Variants in USP8 observed in about 807,000 individuals in gnomAD.
USP8 encodes the protein ubiquitin specific peptidase 8.
In USP8, 27 loss-of-function variants were observed where a neutral mutation model predicts 130.0. That is an observed-to-expected ratio of 0.21 (90% CI 0.15 to 0.29). USP8 has a LOEUF of 0.29. Ranked by LOEUF, USP8 falls within the 10% of genes least tolerant of loss-of-function variation. USP8 has a pLI of 1.00. For missense variants in USP8, 1,029 were observed against 1,312.2 expected, an observed-to-expected ratio of 0.78 and a Z score of 3.33; for synonymous variants, 392 against 444.1, an observed-to-expected ratio of 0.88 and a Z score of 1.48.
Position 50,508,901 on chromosome 15 carries a change from G to A in USP8, c.*9813G>A, listed in dbSNP as rs141854869. 28,219 of 151,224 alleles carry A rather than the reference G, an allele frequency of 0.19. 3,374 individuals are homozygous for A. Among genetic ancestry groups the A allele is most frequent in the East Asian group, 0.47 (2,398 of 5,122 alleles). The allele number at this position is 151,224 out of a possible 1,614,324, so 9.4% of individuals were successfully genotyped here. A position where few individuals can be genotyped will look rare whatever the true frequency, so the allele number is the denominator to read the frequency against. ...TGTAATCCCAGCACTTTGGGAGGCCGAGGCGGGCGGATCACGAGGTCAGGA... is the reference window on the plus strand; with the variant it reads ...TGTAATCCCAGCACTTTGGGAGGCCAAGGCGGGCGGATCACGAGGTCAGGA... On this transcript the variant is annotated 3_prime_UTR_variant, in exon 20 of 20. Transcript: ENST00000307179.
At chr15:50,493,272 T>C (rs2052248844) in intron 15 of USP8, 1 of 515,316 alleles carries the variant, frequency 1.9e-6, no homozygotes, top group East Asian at 5.3e-5. Context: ...TGGCAACACC[T>C]GAATTTTGGA....
chr15:50,474,885 G>A (rs1209660697), intron 8 of USP8, among the ~76,000 whole-genome samples: 2 of 152,132 alleles, frequency 1.3e-5, no homozygotes, highest in Non-Finnish European at 2.9e-5. Flanking sequence ...GAGGCAGGTG[G>A]ATCACTTGAG....
intron 6 of USP8, among the ~76,000 whole-genome samples, chr15:50,464,025 G>A (rs1376800438): frequency 6.6e-6 from 1 of 152,128 alleles, no homozygotes; most frequent in East Asian, 1.9e-4. Flanking sequence ...GCTAACAAAT[G>A]AACATCAAGT....
Position 50,499,896 on chromosome 15 carries a change from T to TAGTATTCTCACA in USP8, c.*809_*820dup, listed in dbSNP as rs1215891275. ...ACACCCAGAGTCATTCTTTCAAGAC[T>TAGTATTCTCACA]AGTATTCTCACATATTGAGAATATT... On this transcript the variant is annotated 3_prime_UTR_variant, in exon 20 of 20. Transcript: ENST00000307179. 6 of 152,248 alleles carry TAGTATTCTCACA rather than the reference T, an allele frequency of 3.9e-5. No homozygotes were observed. The highest frequency in any genetic ancestry group is 1.2e-4 in the African/African-American group (5 of 41,552). The allele number at this position is 152,248 out of a possible 1,614,324, so 9.4% of individuals were successfully genotyped here.
intron 16 of USP8, among the ~76,000 whole-genome samples, chr15:50,495,534 C>A (rs1408464790): frequency 6.6e-6 from 1 of 151,738 alleles, no homozygotes; most frequent in Non-Finnish European, 1.5e-5. Context: ...ACTCCTGGCC[C>A]CAAGCAGTCC....
chr15:50,456,417 A>G (rs549470812), intron 4 of USP8, among the ~76,000 whole-genome samples: 1 of 151,522 alleles, frequency 6.6e-6, no homozygotes, highest in African/African-American at 2.4e-5. Context: ...TAAAAATACA[A>G]AAATAAGTAG....
intron 8 of USP8, among the ~76,000 whole-genome samples, chr15:50,472,746 G>A (rs2051423832): frequency 6.6e-6 from 1 of 151,932 alleles, no homozygotes; most frequent in Non-Finnish European, 1.5e-5. Flanking sequence ...CCTCGTCTCT[G>A]CTAAAAACAA....
chr15:50,478,883 CA>C (rs2051663446), intron 10 of USP8, among the ~76,000 whole-genome samples: 1 of 151,960 alleles, frequency 6.6e-6, no homozygotes, highest in Non-Finnish European at 1.5e-5. Context: ...GGTGAAACCC[CA>C]TCTCTACTGA....
rs111425829 is a variant in USP8 at position 50,442,644 on chromosome 15, C to T, written c.249+1151C>T. On this transcript the variant is annotated intron_variant, in intron 3 of 19. Coordinates refer to ENST00000307179, the MANE Select transcript of USP8 (RefSeq NM_005154.5). ...CCTGTAATCCAAGCTGCTTGGGAGGCTGAGACAGGAGAACCACTTGAATCT... is the reference window on the plus strand; with the variant it reads ...CCTGTAATCCAAGCTGCTTGGGAGGTTGAGACAGGAGAACCACTTGAATCT... Among the ~76,000 whole-genome samples, 540 of 152,160 alleles carry T rather than the reference C, an allele frequency of 3.5e-3. 4 individuals carry two copies. The highest frequency in any genetic ancestry group is 0.012 in the African/African-American group (511 of 41,504).
At chr15:50,453,286 C>T (rs1304504123) in intron 4 of USP8, among the ~76,000 whole-genome samples, 1 of 152,212 alleles carries the variant, frequency 6.6e-6, no homozygotes, top group Non-Finnish European at 1.5e-5. Flanking sequence ...TCATCATTCA[C>T]TTTTGTTCCA....
In USP8 at chr15:50,507,785, T is replaced by C. The variant is rs1596005121; in HGVS notation, c.*8697T>C. On this transcript the variant is annotated 3_prime_UTR_variant, in exon 20 of 20. Transcript: ENST00000307179. ...GTCTCAACAAATGTAAAAGAGTTAG[T>C]TTAGGCCAGGCACGGTGGCTCATGC... 2 of 152,204 alleles carry C rather than the reference T, an allele frequency of 1.3e-5. No homozygotes were observed. The highest frequency in any genetic ancestry group is 2.9e-5 in the Non-Finnish European group (2 of 68,036). 9.4% of individuals were successfully genotyped at this position (152,204 alleles called of 1,614,324 possible).
intron 1 of USP8, among the ~76,000 whole-genome samples, chr15:50,428,998 G>A (rs2049839746): frequency 6.6e-6 from 1 of 152,198 alleles, no homozygotes; most frequent in African/African-American, 2.4e-5. Flanking sequence ...TCTACAGTGT[G>A]GATACACTGG....
intron 3 of USP8, among the ~76,000 whole-genome samples, chr15:50,448,777 C>T (rs1309355237): frequency 6.6e-6 from 1 of 152,090 alleles, no homozygotes. Flanking sequence ...GCCTCGGCCT[C>T]CCAAAGTTCT....
chr15:50,424,561 C>T, intron 1 of USP8, 47 bp downstream of exon 1: 1 of 398,548 alleles, frequency 2.5e-6, no homozygotes, highest in Non-Finnish European at 4.4e-6. Flanking sequence ...GGGAAGTCGT[C>T]CGCTGTGAAC....
intron 1 of USP8, among the ~76,000 whole-genome samples, chr15:50,427,859 C>CT (rs879311184): frequency 2.7e-4 from 37 of 138,204 alleles, no homozygotes; most frequent in Admixed American, 4.4e-4. Flanking sequence ...ATACCTGGCC[C>CT]TTTTTTTTTT....
rs2052550624 is a variant in USP8, at chr15:50,499,946, G to C, written c.*858G>C. The stretch of plus-strand genomic sequence containing the variant: ...TCATTCTAAATATTAAAGTAAAAAT[G>C]CCGGGAGTCAGGCATGATTGCAAAG... On this transcript the variant is annotated 3_prime_UTR_variant, in exon 20 of 20. Transcript: ENST00000307179. 6.6e-6 allele frequency: 1 copy of C among 152,076 alleles called. No homozygotes were observed. The highest frequency in any genetic ancestry group is 1.5e-5 in the Non-Finnish European group (1 of 68,002). 9.4% of individuals were successfully genotyped at this position (152,076 alleles called of 1,614,324 possible).
At chr15:50,463,905 G>A (rs888661083) in intron 6 of USP8, among the ~76,000 whole-genome samples, 2 of 152,146 alleles carry the variant, frequency 1.3e-5, no homozygotes, top group African/African-American at 4.8e-5. Context: ...TTGACAGATT[G>A]CTGCCCTCCC....
At position 50,497,084 on chromosome 15, in the gene USP8, G is replaced by A. The variant is rs2052445721; in HGVS notation, c.2896-5G>A. ...GAGTATCTGCTACTTGTTTTTTTCT[G>A]CCAGGATTGCCTTAGATTATTTTCC... On this transcript the variant is annotated splice_region_variant and splice_polypyrimidine_tract_variant and intron_variant, in intron 17 of 19. Coordinates refer to ENST00000307179, the MANE Select transcript of USP8 (RefSeq NM_005154.5). 6.3e-7 allele frequency: 1 copy of A among 1,581,936 alleles called. No individual in the cohort carries two copies. Among genetic ancestry groups the A allele is most frequent in the South Asian group, 1.2e-5 (1 of 85,502 alleles).
rs1345299550 is a variant in USP8 at position 50,481,804 on chromosome 15, T to G, written c.1542T>G (p.Ile514Met). ...KKKQEAEENE[I>M]TEKQQKAKEE... is the part of the protein sequence containing the mutation. Reference sequence around the variant, plus strand: ...AACAAGAAGCTGAAGAAAATGAAATTACAGAGAAGCAACAAAAAGCAAAAG... The same window carrying G: ...AACAAGAAGCTGAAGAAAATGAAATGACAGAGAAGCAACAAAAAGCAAAAG... Residue 514 changes from isoleucine (I) to methionine (M), a missense_variant, in exon 11 of 20, where the codon ATT (isoleucine) becomes ATG (methionine). Around this residue, in one of 4 missense-constraint regions of USP8, gnomAD observed 486 missense variants for 522.0 expected, o/e 0.93. Coordinates refer to ENST00000307179, the MANE Select transcript of USP8 (RefSeq NM_005154.5). 6.5e-7 allele frequency: 1 copy of G among 1,531,352 alleles called. No individual in the cohort carries two copies. The allele number at this position is 1,531,352 out of a possible 1,614,324, so 94.9% of individuals were successfully genotyped here. A position where few individuals can be genotyped will look rare whatever the true frequency, so the allele number is the denominator to read the frequency against.
Sources: allele counts gnomAD v4.1 joint callset (sites outside exome capture counted in the v4.1 genomes callset), GRCh38; gene constraint gnomAD v4.1.1; regional missense constraint gnomAD v4.1.1; transcripts MANE v1.5; gene names NCBI Gene and HGNC (gene_info 2026-07-23, HGNC 2026-07-21).